Variants in TBC1D19 observed in about 807,000 individuals in gnomAD.
The protein encoded by TBC1D19 is TBC1 domain family member 19, also known as TBC1 domain family, member 19.
A neutral mutation model predicts 89.0 loss-of-function variants in TBC1D19; 60 were observed. The ratio of observed to expected loss-of-function variants is 0.67; its 90% CI spans 0.55 to 0.84. The LOEUF (loss-of-function observed/expected upper bound fraction) is 0.84, where lower values mean the gene tolerates loss of function less well. TBC1D19 is among the 40% of genes least tolerant of loss of function. The pLI is 0.00. For missense variants in TBC1D19, 500 were observed against 610.8 expected (o/e 0.82, Z 1.91); for synonymous variants, 189 against 199.7 (o/e 0.95, Z 0.45).
At chr4:26,683,384 G>A (rs1713528023) in intron 11 of TBC1D19, among the ~76,000 whole-genome samples, 1 of 152,088 alleles carries the variant, frequency 6.6e-6, no homozygotes, top group Admixed American at 6.5e-5. Flanking sequence ...GTAAAATAGT[G>A]CCTGGCACCT....
intron 18 of TBC1D19, among the ~76,000 whole-genome samples, chr4:26,744,174 A>G (rs925087198): frequency 4.6e-5 from 7 of 151,688 alleles, no homozygotes; most frequent in Non-Finnish European, 8.9e-5. Flanking sequence ...GTTATTCATA[A>G]TATTCTCTAT....
At chr4:26,627,037 C>G (rs1029957836) in intron 4 of TBC1D19, among the ~76,000 whole-genome samples, 2 of 151,900 alleles carry the variant, frequency 1.3e-5, no homozygotes, top group African/African-American at 4.8e-5. Context: ...TATCCCTCCC[C>G]CCTCCGCCCA....
intron 20 of TBC1D19, 39 bp from the exon 21 acceptor site, chr4:26,754,834 C>T (rs769732260): frequency 2.5e-5 from 38 of 1,492,688 alleles, no homozygotes; most frequent in East Asian, 7.1e-5. Context: ...TCATAGACTT[C>T]GCTTTGCTAT....
the TBC1D19 span, among the ~76,000 whole-genome samples, chr4:26,851,311 A>ATCTATCTGTCTGTCTGTCTG: frequency 8.8e-3 from 1,013 of 114,890 alleles, 16 homozygotes; most frequent in African/African-American, 0.028. Context: ...TACCCTATCT[A>ATCTATCTGTCTGTCTGTCTG]TCTATCTATC....
the TBC1D19 span, among the ~76,000 whole-genome samples, chr4:26,776,446 T>G: frequency 6.6e-6 from 1 of 152,228 alleles, no homozygotes; most frequent in African/African-American, 2.4e-5. Flanking sequence ...CTGTATTATA[T>G]GTTTTTCCCA....
At chr4:26,658,481 T>A (rs1745017889) in intron 7 of TBC1D19, among the ~76,000 whole-genome samples, 1 of 152,186 alleles carries the variant, frequency 6.6e-6, no homozygotes, top group Admixed American at 6.5e-5. Flanking sequence ...TCTGTTTTGG[T>A]TACTATAGCC....
At chr4:26,787,825 A>G in the TBC1D19 span, among the ~76,000 whole-genome samples, 1 of 152,088 alleles carries the variant, frequency 6.6e-6, no homozygotes. Context: ...CTGGCTTCTT[A>G]CAGTATTTAT....
intron 11 of TBC1D19, among the ~76,000 whole-genome samples, chr4:26,683,365 GT>G (rs1186055473): frequency 1.3e-5 from 2 of 152,146 alleles, no homozygotes; most frequent in African/African-American, 4.8e-5. Context: ...GTTAACTCTT[GT>G]AAAGTGGGTA....
At chr4:26,611,315 A>C (rs1577799475) in intron 1 of TBC1D19, among the ~76,000 whole-genome samples, 1 of 151,764 alleles carries the variant, frequency 6.6e-6, no homozygotes, top group Non-Finnish European at 1.5e-5. Flanking sequence ...TCTTTTTTTT[A>C]AGCTATAGGT....
At chr4:26,740,176 T>C (rs1718271657) in intron 17 of TBC1D19, among the ~76,000 whole-genome samples, 1 of 152,162 alleles carries the variant, frequency 6.6e-6, no homozygotes, top group South Asian at 2.1e-4. Flanking sequence ...AGAAAAAGTC[T>C]CTTGTCAACT....
intron 8 of TBC1D19, chr4:26,662,805 T>C (rs1577898616): frequency 6.6e-6 from 1 of 152,138 alleles, no homozygotes; most frequent in Non-Finnish European, 1.5e-5. Flanking sequence ...ATCAATCAAA[T>C]GTTAAGGAGG....
At chr4:26,640,629 G>A (rs116379019) in intron 7 of TBC1D19, among the ~76,000 whole-genome samples, 64 of 152,296 alleles carry the variant, frequency 4.2e-4, no homozygotes, top group African/African-American at 1.4e-3. Context: ...AGGGCAAGGG[G>A]TTGGGGGATT....
intron 1 of TBC1D19, among the ~76,000 whole-genome samples, chr4:26,612,578 T>C (rs927542754): frequency 7.9e-5 from 12 of 152,010 alleles, no homozygotes; most frequent in African/African-American, 2.9e-4. Context: ...ATCAAAGCCA[T>C]TACAAGTAGG....
At position 26,595,967 on chromosome 4, in the gene TBC1D19, T is replaced by A. The variant is rs575368703; in HGVS notation, c.99+11675T>A. 9.5e-4 allele frequency among the ~76,000 whole-genome samples: 145 copies of A among 152,084 alleles called. 1 individual carries two copies. Among genetic ancestry groups the A allele is most frequent in the African/African-American group, 3.1e-3 (127 of 41,502 alleles). On this transcript the variant is annotated intron_variant, in intron 1 of 20. Transcript: ENST00000264866. ...TTTATTTATTTTTAATTAAAAAAAA[T>A]TTTTTTTGAGAGAGAGTGTCACTTT... is the stretch of plus-strand genomic sequence containing the variant.
intron 4 of TBC1D19, among the ~76,000 whole-genome samples, chr4:26,621,659 A>T (rs1286643491): frequency 1.3e-5 from 2 of 152,150 alleles, no homozygotes; most frequent in African/African-American, 4.8e-5. Context: ...GATGGTGAAA[A>T]GAAGCAATAT....
chr4:26,715,030 G>A (rs1716495120), intron 13 of TBC1D19, among the ~76,000 whole-genome samples: 1 of 151,940 alleles, frequency 6.6e-6, no homozygotes, highest in South Asian at 2.1e-4. Context: ...ATTCCACCAA[G>A]CTCACCTATT....
the TBC1D19 span, among the ~76,000 whole-genome samples, chr4:26,853,819 G>A: frequency 6.6e-6 from 1 of 152,218 alleles, no homozygotes; most frequent in South Asian, 2.1e-4. Context: ...ACAGGCGTGA[G>A]CCACCGCGCC....
chr4:26,691,011 G>A (rs762281297), intron 13 of TBC1D19, among the ~76,000 whole-genome samples: 2 of 152,200 alleles, frequency 1.3e-5, no homozygotes, highest in Non-Finnish European at 2.9e-5. Context: ...TTCATGAGAG[G>A]AGGTCAAAAT....
intron 1 of TBC1D19, among the ~76,000 whole-genome samples, chr4:26,594,969 T>C (rs766724480): frequency 2.6e-5 from 4 of 152,176 alleles, no homozygotes; most frequent in Admixed American, 6.5e-5. Flanking sequence ...AAGAGTGAAA[T>C]TGATAGATTG....
Sources: gnomAD v4.1 joint callset for allele counts (sites outside exome capture counted in the v4.1 genomes callset) on GRCh38, gnomAD v4.1.1 for gene constraint, MANE v1.5 for transcripts, NCBI Gene and HGNC (gene_info 2026-07-23, HGNC 2026-07-21) for gene names.